The following FGD6 variants were observed in gnomAD, a reference collection of about 807,000 sequenced individuals.
FGD6 encodes FYVE, RhoGEF and PH domain containing 6.
Under a neutral mutation model 149.4 loss-of-function variants are expected in FGD6, and 90 were observed. The ratio of observed to expected loss-of-function variants is 0.60; its 90% CI spans 0.51 to 0.72. The LOEUF is 0.72. FGD6 is among the 30% of genes least tolerant of loss of function. FGD6 has a pLI of 0.00. For synonymous variants in FGD6, 527 were observed against 584.0 expected (o/e 0.90, Z 1.41); for missense variants, 1,437 against 1,684.8 (o/e 0.85, Z 2.57).
intron 8 of FGD6, among the ~76,000 whole-genome samples, chr12:95,119,465 C>T (rs1191628744): frequency 1.3e-5 from 2 of 152,112 alleles, no homozygotes; most frequent in Non-Finnish European, 2.9e-5. Context: ...CTTAGGTGTT[C>T]TATTAGCTCT....
intron 1 of FGD6, among the ~76,000 whole-genome samples, chr12:95,215,708 A>G (rs2056749843): frequency 6.6e-6 from 1 of 152,262 alleles, no homozygotes; most frequent in African/African-American, 2.4e-5. Context: ...AGGATAATTC[A>G]AATGCAAGAA....
chr12:95,149,864 A>C (rs1203808753), intron 5 of FGD6, among the ~76,000 whole-genome samples: 2 of 146,720 alleles, frequency 1.4e-5, no homozygotes, highest in East Asian at 3.9e-4. Flanking sequence ...AATATGTATA[A>C]TATATAATAG....
At chr12:95,118,696 T>C (rs1170996717) in intron 8 of FGD6, among the ~76,000 whole-genome samples, 1 of 152,202 alleles carries the variant, frequency 6.6e-6, no homozygotes, top group East Asian at 1.9e-4. Flanking sequence ...GGACATGTCT[T>C]GCTTTGTATT....
intron 13 of FGD6, 120 bp downstream of exon 13, chr12:95,106,834 C>T: frequency 1.4e-6 from 1 of 721,268 alleles, no homozygotes; most frequent in Non-Finnish European, 2.3e-6. Flanking sequence ...GTGGAGGTTG[C>T]AGTCAGCCAA....
At chr12:95,208,251 C>CA (rs532858278) in intron 2 of FGD6, among the ~76,000 whole-genome samples, 23 of 148,950 alleles carry the variant, frequency 1.5e-4, no homozygotes, top group Middle Eastern at 3.4e-3. Context: ...GACCTCATCT[C>CA]AAAAAAAAAA....
chr12:95,149,336 T>TTATATAATATATAGCA (rs1377470345), intron 5 of FGD6, among the ~76,000 whole-genome samples: 4 of 107,562 alleles, frequency 3.7e-5, no homozygotes, highest in Admixed American at 1.4e-4. Context: ...ATATAATATA[T>TTATATAATATATAGCA]TATATAATAT....
At chr12:95,136,937 A>G (rs1253022223) in intron 7 of FGD6, among the ~76,000 whole-genome samples, 2 of 152,204 alleles carry the variant, frequency 1.3e-5, no homozygotes, top group Non-Finnish European at 2.9e-5. Flanking sequence ...TTAAAATGCT[A>G]AGTTTGTGTT....
chr12:95,208,375 C>G (rs1234293828), intron 2 of FGD6, among the ~76,000 whole-genome samples: 2 of 152,062 alleles, frequency 1.3e-5, no homozygotes, highest in Non-Finnish European at 2.9e-5. Flanking sequence ...GGTAAAATGA[C>G]CAATCTTCAA....
chr12:95,145,478 T>A (rs764676611), intron 5 of FGD6, among the ~76,000 whole-genome samples: 1 of 152,090 alleles, frequency 6.6e-6, no homozygotes, highest in Non-Finnish European at 1.5e-5. Context: ...CCCTGGCTGG[T>A]CCGTCTTCAG....
At chr12:95,083,004 A>T (rs1379390002) in intron 20 of FGD6, among the ~76,000 whole-genome samples, 134 of 49,274 alleles carry the variant, frequency 2.7e-3, no homozygotes, top group Non-Finnish European at 3.8e-3. Context: ...AAAAAAAAAA[A>T]AAAAAAAAAT....
chr12:95,095,383 T>C (rs1374388731), intron 14 of FGD6, among the ~76,000 whole-genome samples: 1 of 151,950 alleles, frequency 6.6e-6, no homozygotes, highest in African/African-American at 2.4e-5. Flanking sequence ...ATTTTTTTTT[T>C]CTGTTTTTCC....
At chr12:95,114,707 C>T (rs1250565018) in intron 8 of FGD6, among the ~76,000 whole-genome samples, 1 of 152,116 alleles carries the variant, frequency 6.6e-6, no homozygotes, top group Non-Finnish European at 1.5e-5. Context: ...CAAGGTAAGT[C>T]ATGGAATTTC....
chr12:95,196,313 G>A (rs920112823), intron 2 of FGD6, among the ~76,000 whole-genome samples: 10 of 152,148 alleles, frequency 6.6e-5, no homozygotes, highest in African/African-American at 2.2e-4. Context: ...GTCTTGCTAC[G>A]TTGCCCAGGC....
At chr12:95,101,302 G>A (rs917218886) in intron 14 of FGD6, among the ~76,000 whole-genome samples, 8 of 151,982 alleles carry the variant, frequency 5.3e-5, no homozygotes, top group Non-Finnish European at 5.9e-5. Flanking sequence ...AGCCAAGATC[G>A]CGTCACTGCA....
At chr12:95,185,164 G>A (rs1198020072) in intron 2 of FGD6, among the ~76,000 whole-genome samples, 1 of 152,126 alleles carries the variant, frequency 6.6e-6, no homozygotes, top group East Asian at 1.9e-4. Context: ...GTGAGCACCC[G>A]GGCCCTTCTT....
chr12:95,127,762 TA>T (rs1390861262), intron 8 of FGD6, among the ~76,000 whole-genome samples: 13 of 152,230 alleles, frequency 8.5e-5, no homozygotes, highest in Non-Finnish European at 1.9e-4. Flanking sequence ...AATATGTTGT[TA>T]AAGTAGCCTT....
Position 95,211,211 on chromosome 12 carries a change from G to T in FGD6, c.73C>A (p.Pro25Thr). The T allele has an allele frequency of 6.2e-7, 1 of 1,610,400 alleles. No homozygotes were observed. The highest frequency in any genetic ancestry group is 8.5e-7 in the Non-Finnish European group (1 of 1,179,190). Residue 25 changes from proline to threonine, a missense_variant, in exon 2 of 21, where the codon CCA (proline) becomes ACA (threonine). Pro to Thr is a conservative substitution (Grantham distance 38, BLOSUM62 -1). This residue lies in a region of FGD6 where 1,055 missense variants were observed against 1,146.0 expected (regional missense o/e 0.92). Coordinates refer to ENST00000343958, the MANE Select transcript of FGD6 (RefSeq NM_018351.4). ...KPKFVVANNK[P>T]APPPIAPKPD... ...TTAGGTGCAATAGGAGGTGGGGCTGGCTTATTATTTGCCACAACAAACTTG... is the reference window on the plus strand; with the variant it reads ...TTAGGTGCAATAGGAGGTGGGGCTGTCTTATTATTTGCCACAACAAACTTG...
intron 7 of FGD6, among the ~76,000 whole-genome samples, chr12:95,136,357 C>CA (rs1371150140): frequency 2.0e-5 from 3 of 152,032 alleles, no homozygotes; most frequent in African/African-American, 7.2e-5. Flanking sequence ...GACTCCATCT[C>CA]AAAAAACAAA....
At chr12:95,208,489 A>G (rs2056704341) in intron 2 of FGD6, among the ~76,000 whole-genome samples, 1 of 152,118 alleles carries the variant, frequency 6.6e-6, no homozygotes, top group South Asian at 2.1e-4. Context: ...CCTAGCAAAT[A>G]AATGTCATTG....
Sources: allele counts gnomAD v4.1 joint callset (sites outside exome capture counted in the v4.1 genomes callset), GRCh38; gene constraint gnomAD v4.1.1; regional missense constraint gnomAD v4.1.1; transcripts MANE v1.5; gene names NCBI Gene and HGNC (gene_info 2026-07-23, HGNC 2026-07-21).